Variants in DIS3L2 observed in about 807,000 individuals in gnomAD.
The protein encoded by DIS3L2 is DIS3 like 3'-5' exoribonuclease 2.
Under a neutral mutation model 97.5 loss-of-function variants are expected in DIS3L2, and 34 were observed. The observed-to-expected ratio is 0.35, with a 90% CI of 0.27 to 0.46. DIS3L2 has a LOEUF of 0.46. Ranked by LOEUF, DIS3L2 falls within the 20% of genes least tolerant of loss-of-function variation. The pLI is 1.00. For synonymous variants in DIS3L2, 435 were observed against 445.2 expected, an observed-to-expected ratio of 0.98 and a Z score of 0.29; for missense variants, 1,038 against 1,146.0, an observed-to-expected ratio of 0.91 and a Z score of 1.36.
At chr2:232,060,103 G>C (rs192847325) in intron 5 of DIS3L2, among the ~76,000 whole-genome samples, 1 of 152,086 alleles carries the variant, frequency 6.6e-6, no homozygotes, top group Non-Finnish European at 1.5e-5. Flanking sequence ...GGATATCTGC[G>C]AAATAGTTTG....
At chr2:232,343,669 CA>C (rs1696164266) in exon 14 of DIS3L2, 2 of 1,361,072 alleles carry the variant, frequency 1.5e-6, no homozygotes, top group Admixed American at 4.4e-5. Context: ...CTAAAAGGTC[CA>C]GTAGAAAAGG....
chr2:232,145,836 G>A (rs1690201502), intron 8 of DIS3L2, among the ~76,000 whole-genome samples: 1 of 152,090 alleles, frequency 6.6e-6, no homozygotes, highest in South Asian at 2.1e-4. Flanking sequence ...ACATGTGTTG[G>A]ACACCAAAGG....
intron 9 of DIS3L2, among the ~76,000 whole-genome samples, chr2:232,196,457 A>G (rs982450052): frequency 2.6e-5 from 4 of 152,140 alleles, no homozygotes; most frequent in African/African-American, 9.7e-5. Flanking sequence ...TGCTTCAACA[A>G]TAGTATCTTT....
intron 5 of DIS3L2, among the ~76,000 whole-genome samples, chr2:232,035,422 A>G (rs1694924426): frequency 6.6e-6 from 1 of 152,142 alleles, no homozygotes. Context: ...TCCTAAATAC[A>G]GTACACTGAT....
downstream of DIS3L2, chr2:232,340,858 G>A (rs1386452898): frequency 8.5e-6 from 4 of 471,348 alleles, no homozygotes; most frequent in South Asian, 4.6e-5. Context: ...TCCGTGCACA[G>A]CCAGGGATTG....
intron 10 of DIS3L2, among the ~76,000 whole-genome samples, chr2:232,232,536 C>A (rs950031052): frequency 2.6e-5 from 4 of 152,188 alleles, no homozygotes; most frequent in African/African-American, 7.2e-5. Flanking sequence ...TTGATCGACA[C>A]AGGCCTGAGA....
At chr2:232,191,712 G>C (rs1286760843) in intron 9 of DIS3L2, among the ~76,000 whole-genome samples, 3 of 152,160 alleles carry the variant, frequency 2.0e-5, no homozygotes, top group Non-Finnish European at 4.4e-5. Context: ...GGAGTTATAA[G>C]TTTATATATG....
chr2:232,330,504 G>A (rs973321783), intron 15 of DIS3L2, among the ~76,000 whole-genome samples, 186 bp from the exon 16 acceptor site: 3 of 152,184 alleles, frequency 2.0e-5, no homozygotes, highest in African/African-American at 7.2e-5. Flanking sequence ...CAAAAACATG[G>A]AAGTGTGGGC....
chr2:232,176,592 T>C (rs1331288491), intron 9 of DIS3L2, among the ~76,000 whole-genome samples: 1 of 151,630 alleles, frequency 6.6e-6, no homozygotes, highest in Non-Finnish European at 1.5e-5. Flanking sequence ...ATGTTTTGTT[T>C]TTGTTTTTTT....
intron 6 of DIS3L2, among the ~76,000 whole-genome samples, chr2:232,099,911 G>A (rs1697143868): frequency 6.6e-6 from 1 of 152,052 alleles, no homozygotes; most frequent in Admixed American, 6.5e-5. Flanking sequence ...CTGTACTTTT[G>A]TATTCCTTTT....
chr2:232,122,142 TAG>T lies in DIS3L2; in HGVS notation c.602-8476_602-8475del, dbSNP rs1574891697. ...TTTAACTGGCCTCTGCCTATCTATG[TAG>T]TACCTTCTCTTGTTCCTCCTTACTC... On this transcript the variant is annotated intron_variant, in intron 6 of 20. Coordinates refer to ENST00000325385, the MANE Select transcript of DIS3L2 (RefSeq NM_152383.5). 2.0e-5 allele frequency among the ~76,000 whole-genome samples: 3 copies of T among 152,322 alleles called. No individual in the cohort carries two copies. The East Asian group carries it at 5.8e-4, about 29-fold the overall frequency.
At chr2:232,256,065 G>C (rs997466342) in intron 12 of DIS3L2, among the ~76,000 whole-genome samples, 3 of 152,176 alleles carry the variant, frequency 2.0e-5, no homozygotes, top group Non-Finnish European at 2.9e-5. Context: ...TCTGCATACA[G>C]CTGTCAGAGT....
chr2:231,969,075 T>C (rs1000913262), intron 1 of DIS3L2, among the ~76,000 whole-genome samples: 3 of 152,186 alleles, frequency 2.0e-5, no homozygotes, highest in Non-Finnish European at 2.9e-5. Flanking sequence ...GATTATAGTT[T>C]CCTGAGTCTT....
At chr2:232,271,131 G>GGTGGTTGACAGTATCTTGCTA (rs1559185507) in intron 13 of DIS3L2, among the ~76,000 whole-genome samples, 1 of 152,174 alleles carries the variant, frequency 6.6e-6, no homozygotes, top group Non-Finnish European at 1.5e-5. Flanking sequence ...AGCTGAAAGA[G>GGTGGTTGACAGTATCTTGCTA]GTGGTTGACA....
chr2:232,302,598 TCAC>T (rs1191565542), intron 14 of DIS3L2, among the ~76,000 whole-genome samples: 1 of 151,326 alleles, frequency 6.6e-6, no homozygotes, highest in African/African-American at 2.4e-5. Context: ...CTTGCTTTTG[TCAC>T]CCAGCCTGGA....
Position 232,319,805 on chromosome 2 carries a change from A to G in DIS3L2, c.1740-10008A>G, listed in dbSNP as rs138941497. ...AGATGGGCTTGGCCTCCAGAGTGGT[A>G]GCTCAGGGAAGCAGAGCCCTCAGGT... On this transcript the variant is annotated intron_variant, in intron 14 of 20. Coordinates refer to ENST00000325385, the MANE Select transcript of DIS3L2 (RefSeq NM_152383.5). Among the ~76,000 whole-genome samples, 212 of 152,328 alleles carry G rather than the reference A, an allele frequency of 1.4e-3. 1 individual carries two copies. The highest frequency in any genetic ancestry group is 4.9e-3 in the African/African-American group (205 of 41,570).
At chr2:232,105,008 G>C (rs1324265495) in intron 6 of DIS3L2, among the ~76,000 whole-genome samples, 1 of 152,090 alleles carries the variant, frequency 6.6e-6, no homozygotes, top group African/African-American at 2.4e-5. Context: ...TGTAGAGATG[G>C]GGTTTCACTA....
At chr2:232,024,744 G>T (rs1286915878) in intron 4 of DIS3L2, among the ~76,000 whole-genome samples, 1 of 151,698 alleles carries the variant, frequency 6.6e-6, no homozygotes. Context: ...AAAATAACGT[G>T]TAATGCTTTT....
chr2:232,063,138 G>C (rs73995074), intron 5 of DIS3L2, among the ~76,000 whole-genome samples: 10,073 of 152,102 alleles, frequency 0.066, 1,145 homozygotes, highest in East Asian at 0.51. Context: ...CTCAGGGCCT[G>C]GCTCCTTGCT....
Sources: gnomAD v4.1 joint callset for allele counts (sites outside exome capture counted in the v4.1 genomes callset) on GRCh38, gnomAD v4.1.1 for gene constraint, MANE v1.5 for transcripts, NCBI Gene and HGNC (gene_info 2026-07-23, HGNC 2026-07-21) for gene names.